TMEM150C: variants seen among roughly 807,000 people sequenced by gnomAD.
The protein encoded by TMEM150C is transmembrane protein 150C, also known as tentonin 3.
TMEM150C carries 10 observed loss-of-function variants against 29.9 expected under a neutral mutation model. The ratio of observed to expected loss-of-function variants is 0.33; its 90% CI spans 0.21 to 0.57. TMEM150C has a LOEUF of 0.57. Ranked by LOEUF, TMEM150C falls within the 20% of genes least tolerant of loss-of-function variation. The pLI, the probability that TMEM150C is intolerant of heterozygous loss-of-function variation, is 0.88. For missense variants in TMEM150C, 251 were observed against 303.6 expected (o/e 0.83, Z 1.29); for synonymous variants, 101 against 112.5 (o/e 0.90, Z 0.64).
chr4:82,509,585 C>G (rs929566469), intron 1 of TMEM150C: 1 of 152,142 alleles, frequency 6.6e-6, no homozygotes, highest in African/African-American at 2.4e-5. Flanking sequence ...CATCTGAGGT[C>G]AGGAGTTCGA....
intron 6 of TMEM150C, chr4:82,495,479 GCC>G: frequency 2.8e-6 from 1 of 355,926 alleles, no homozygotes. Context: ...GCTCTTTTAG[GCC>G]CCAGGTGACG....
chr4:82,559,869 C>T lies in TMEM150C; in HGVS notation c.-11+2037G>A, dbSNP rs78224491. Among the ~76,000 whole-genome samples the T allele has an allele frequency of 3.3e-3, 495 of 152,276 alleles. 1 individual carries two copies. The highest frequency in any genetic ancestry group is 0.011 in the African/African-American group (471 of 41,570). The stretch of plus-strand genomic sequence containing the variant: ...CAGTGAAACCAAATGGCTGAGATTG[C>T]GGGGTCCAGCTAGCTTTTCCTCTCT... On this transcript the variant is annotated intron_variant, in intron 1 of 7. Transcript: ENST00000449862.
intron 1 of TMEM150C, among the ~76,000 whole-genome samples, chr4:82,521,180 C>G (rs1346411703): frequency 6.6e-6 from 1 of 152,200 alleles, no homozygotes; most frequent in Non-Finnish European, 1.5e-5. Flanking sequence ...TTTCCTATGT[C>G]ACCCTGCTAT....
chr4:82,535,373 C>T (rs564495320), intron 1 of TMEM150C, among the ~76,000 whole-genome samples: 1 of 152,290 alleles, frequency 6.6e-6, no homozygotes, highest in East Asian at 1.9e-4. Context: ...CAGCATTAAT[C>T]CATTTATTAG....
intron 1 of TMEM150C, among the ~76,000 whole-genome samples, chr4:82,550,588 C>G (rs916007962): frequency 8.6e-5 from 13 of 152,008 alleles, no homozygotes; most frequent in African/African-American, 3.1e-4. Flanking sequence ...ATCACGAGGT[C>G]AGGAGATCAA....
At chr4:82,540,114 CTTTTTTTTTTTTTTTTTTT>C (rs577728662) in intron 1 of TMEM150C, among the ~76,000 whole-genome samples, 48 of 47,264 alleles carry the variant, frequency 1.0e-3, no homozygotes, top group African/African-American at 1.7e-3. Context: ...TCTACCTATT[CTTTTTTTTTTTTTTTTTTT>C]TTTTTTTTTT....
At chr4:82,517,531 A>G (rs1051539797) in intron 1 of TMEM150C, among the ~76,000 whole-genome samples, 9 of 152,178 alleles carry the variant, frequency 5.9e-5, no homozygotes, top group Non-Finnish European at 1.2e-4. Flanking sequence ...GCAGAGGAGG[A>G]ATGAATTCTC....
intron 1 of TMEM150C, among the ~76,000 whole-genome samples, chr4:82,556,091 G>T (rs923331917): frequency 3.4e-5 from 5 of 147,070 alleles, no homozygotes; most frequent in African/African-American, 1.2e-4. Flanking sequence ...TTCTAGTGTT[G>T]TTTTTTTTTT....
Position 82,489,510 on chromosome 4 carries a change from G to A in TMEM150C, c.541+551C>T, listed in dbSNP as rs182522497. 8.2e-4 allele frequency among the ~76,000 whole-genome samples: 125 copies of A among 152,194 alleles called. 1 individual carries two copies. The highest frequency in any genetic ancestry group is 4.4e-5 in the Non-Finnish European group (3 of 68,008). On this transcript the variant is annotated intron_variant, in intron 7 of 7. Coordinates refer to ENST00000449862, the MANE Select transcript of TMEM150C (RefSeq NM_001080506.3). ...TATTCTCAATTGGTTCAAACTCTGA[G>A]CGGAGGAAGGGAAATGAATAGCACC...
chr4:82,539,432 T>A lies in TMEM150C; in HGVS notation c.-11+22474A>T, dbSNP rs114286703. 4.2e-3 allele frequency among the ~76,000 whole-genome samples: 641 copies of A among 151,808 alleles called. 4 individuals carry two copies. The highest frequency in any genetic ancestry group is 0.015 in the African/African-American group (615 of 41,252). On this transcript the variant is annotated intron_variant, in intron 1 of 7. Coordinates refer to ENST00000449862, the MANE Select transcript of TMEM150C (RefSeq NM_001080506.3). ...AATTAATGAGTGTTCATATAATGAA[T>A]TGGATAAAGGATAAAAATCCAAACA...
At chr4:82,546,940 A>T (rs1725404622) in intron 1 of TMEM150C, among the ~76,000 whole-genome samples, 1 of 152,186 alleles carries the variant, frequency 6.6e-6, no homozygotes, top group Non-Finnish European at 1.5e-5. Flanking sequence ...AACTATAAGA[A>T]TCCTAGAAGA....
At chr4:82,487,842 T>C (rs1723211810) in intron 7 of TMEM150C, among the ~76,000 whole-genome samples, 1 of 152,222 alleles carries the variant, frequency 6.6e-6, no homozygotes, top group Admixed American at 6.5e-5. Flanking sequence ...TAGGGTCTGC[T>C]TCTATTCATA....
chr4:82,513,568 A>C (rs1300049040), intron 1 of TMEM150C, among the ~76,000 whole-genome samples: 1 of 151,230 alleles, frequency 6.6e-6, no homozygotes, highest in Non-Finnish European at 1.5e-5. Context: ...GTTGACCTTA[A>C]AAAAAAAACC....
intron 5 of TMEM150C, among the ~76,000 whole-genome samples, chr4:82,497,196 C>G (rs564182940): frequency 6.6e-6 from 1 of 151,884 alleles, no homozygotes; most frequent in East Asian, 1.9e-4. Flanking sequence ...CATATTTATA[C>G]GAAGAGTTGG....
chr4:82,492,642 A>C (rs557013150), intron 6 of TMEM150C, among the ~76,000 whole-genome samples: 1 of 151,910 alleles, frequency 6.6e-6, no homozygotes, highest in African/African-American at 2.4e-5. Flanking sequence ...ACTGATGTTT[A>C]AAATATATAT....
Position 82,507,723 on chromosome 4 carries a change from CTCTCTTTTTTTTTTTTTTTTT to C in TMEM150C, c.-10-3077_-10-3057del, listed in dbSNP as rs1317588996. Among the ~76,000 whole-genome samples the C allele has an allele frequency of 2.2e-3, 192 of 86,054 alleles. 23 individuals carry two copies. The highest frequency in any genetic ancestry group is 6.8e-3 in the East Asian group (19 of 2,788). 56.5% of individuals were successfully genotyped at this position (86,054 alleles called of 152,430 possible). On this transcript the variant is annotated intron_variant, in intron 1 of 7. Transcript: ENST00000449862. ...TATATTAAATTAACTCTCTCTCTCT[CTCTCTTTTTTTTTTTTTTTTT>C]TTTTTTTTTTTTTTTTTTTTTTGAG... is the stretch of plus-strand genomic sequence containing the variant.
intron 4 of TMEM150C, 35 bp downstream of exon 4, chr4:82,502,860 C>G: frequency 6.3e-7 from 1 of 1,595,106 alleles, no homozygotes; most frequent in African/African-American, 1.3e-5. Context: ...ACTTTTCCTA[C>G]GGTCCCACAG....
chr4:82,496,189 A>G lies in TMEM150C; in HGVS notation c.242T>C (p.Val81Ala), dbSNP rs368643650. ...VMNMAAFLAL[V>A]VAVLRFIQLK... ...TTGTATGAAGCGCAGAACAGCTACC[A>G]CAAGGGCTAGGAATAAAGCAAAGTC... Residue 81 changes from valine to alanine, a missense_variant, in exon 6 of 8, where the codon GTG becomes GCG. Coordinates refer to ENST00000449862, the MANE Select transcript of TMEM150C (RefSeq NM_001080506.3). The G allele has an allele frequency of 6.2e-7, 1 of 1,613,938 alleles. No homozygotes were observed. The highest frequency in any genetic ancestry group is 1.7e-5 in the Admixed American group (1 of 60,024).
rs1723095141 is a variant in TMEM150C at position 82,484,409 on chromosome 4, TC to T, written c.*1101del. On this transcript the variant is annotated 3_prime_UTR_variant, in exon 8 of 8. Coordinates refer to ENST00000449862, the MANE Select transcript of TMEM150C (RefSeq NM_001080506.3). ...AATTCCAAATTTGAAAAGCCCTTAA[TC>T]CAAAAAAAAAAAAAACCCTACTAAA... The T allele has an allele frequency of 8.5e-6, 1 of 117,884 alleles. No homozygotes were observed. Among genetic ancestry groups the T allele is most frequent in the African/African-American group, 3.5e-5 (1 of 28,666 alleles). The allele number at this position is 117,884 out of a possible 1,614,324, so 7.3% of individuals were successfully genotyped here.
Sources: allele counts gnomAD v4.1 joint callset (sites outside exome capture counted in the v4.1 genomes callset), GRCh38; gene constraint gnomAD v4.1.1; transcripts MANE v1.5; gene names NCBI Gene and HGNC (gene_info 2026-07-23, HGNC 2026-07-21).